VEGFC: variants seen among roughly 807,000 people sequenced by gnomAD.
The protein encoded by VEGFC is FLT4 ligand DHM.
A neutral mutation model predicts 46.1 loss-of-function variants in VEGFC; 12 were observed. The observed-to-expected ratio is 0.26, with a 90% confidence interval of 0.17 to 0.42. The LOEUF is 0.42. Ranked by LOEUF, VEGFC falls within the 10% of genes least tolerant of loss-of-function variation. The probability of loss-of-function intolerance (pLI) is 1.00; values close to 1 mark genes in which losing one functional copy is unlikely to be tolerated. For missense variants in VEGFC, 488 were observed against 529.4 expected (o/e 0.92, Z 0.77); for synonymous variants, 232 against 195.5 (o/e 1.19, Z -1.56).
intron 1 of VEGFC, among the ~76,000 whole-genome samples, chr4:176,786,424 C>G (rs182070281): frequency 2.0e-5 from 3 of 152,190 alleles, no homozygotes; most frequent in African/African-American, 7.2e-5. Flanking sequence ...ACATCCCTCT[C>G]TCCCCCATTT....
intron 3 of VEGFC, among the ~76,000 whole-genome samples, chr4:176,719,439 C>T (rs1323323314): frequency 1.3e-5 from 2 of 152,148 alleles, no homozygotes; most frequent in Non-Finnish European, 2.9e-5. Flanking sequence ...AAAGCTGCTA[C>T]TTAAGTACAC....
At chr4:176,743,151 T>C (rs1047872272) in intron 1 of VEGFC, among the ~76,000 whole-genome samples, 1 of 152,054 alleles carries the variant, frequency 6.6e-6, no homozygotes, top group Admixed American at 6.6e-5. Flanking sequence ...CAAACACCTG[T>C]ATTGAGCAGT....
intron 1 of VEGFC, among the ~76,000 whole-genome samples, chr4:176,789,229 T>C (rs894520488): frequency 2.0e-5 from 3 of 152,186 alleles, no homozygotes; most frequent in African/African-American, 4.8e-5. Context: ...AAGTCCAAAA[T>C]GAAATCTAAA....
At chr4:176,761,121 A>C (rs1205319603) in intron 1 of VEGFC, among the ~76,000 whole-genome samples, 2 of 152,220 alleles carry the variant, frequency 1.3e-5, no homozygotes, top group East Asian at 3.8e-4. Flanking sequence ...ATGATTATAG[A>C]TCCTATACAA....
chr4:176,713,589 T>C (rs1412790115), intron 3 of VEGFC, among the ~76,000 whole-genome samples: 2 of 152,196 alleles, frequency 1.3e-5, no homozygotes, highest in Admixed American at 6.5e-5. Context: ...GGCAGTCACA[T>C]ATGTGTGTCT....
chr4:176,717,833 A>C (rs112793547), intron 3 of VEGFC, among the ~76,000 whole-genome samples: 2,003 of 152,248 alleles, frequency 0.013, 24 homozygotes, highest in Middle Eastern at 0.02. Context: ...ATAATGCCCC[A>C]AAATGGGAAA....
At chr4:176,716,382 G>C (rs1734698276) in intron 3 of VEGFC, among the ~76,000 whole-genome samples, 1 of 151,788 alleles carries the variant, frequency 6.6e-6, no homozygotes, top group Non-Finnish European at 1.5e-5. Context: ...TTCAAGACCA[G>C]CCGGCCCAAC....
chr4:176,726,352 G>A (rs992819282), intron 3 of VEGFC, among the ~76,000 whole-genome samples: 1 of 152,068 alleles, frequency 6.6e-6, no homozygotes, highest in South Asian at 2.1e-4. Flanking sequence ...AATTGCATCT[G>A]GCTAAGCTTA....
intron 1 of VEGFC, among the ~76,000 whole-genome samples, chr4:176,747,808 A>G (rs1045799244): frequency 9.2e-5 from 14 of 152,008 alleles, no homozygotes; most frequent in African/African-American, 2.7e-4. Context: ...AAATGAACAA[A>G]AATCAAGTTC....
intron 3 of VEGFC, among the ~76,000 whole-genome samples, chr4:176,713,737 T>A (rs1252113895): frequency 6.6e-6 from 1 of 152,012 alleles, no homozygotes; most frequent in African/African-American, 2.4e-5. Flanking sequence ...CACAGGAACA[T>A]CTATGAGGTG....
chr4:176,742,107 T>C (rs1735185667), intron 1 of VEGFC, among the ~76,000 whole-genome samples: 1 of 151,896 alleles, frequency 6.6e-6, no homozygotes, highest in Non-Finnish European at 1.5e-5. Flanking sequence ...CATTTTGGAG[T>C]CCCCAGTGTC....
intron 4 of VEGFC, 28 bp downstream of exon 4, chr4:176,711,471 A>T (rs777120974): frequency 1.9e-6 from 3 of 1,582,812 alleles, no homozygotes; most frequent in South Asian, 2.4e-5. Flanking sequence ...TAGAGGATGC[A>T]GAAAAAATAG....
intron 1 of VEGFC, among the ~76,000 whole-genome samples, chr4:176,791,664 T>TAA (rs1736095621): frequency 6.6e-6 from 1 of 152,192 alleles, no homozygotes. Flanking sequence ...GCCTGGTTAC[T>TAA]AAAGTCCCTG....
At chr4:176,746,710 C>G (rs567984986) in intron 1 of VEGFC, among the ~76,000 whole-genome samples, 1 of 152,168 alleles carries the variant, frequency 6.6e-6, no homozygotes, top group South Asian at 2.1e-4. Context: ...GCTGTGGTTT[C>G]TAGTATGAGT....
intron 1 of VEGFC, among the ~76,000 whole-genome samples, chr4:176,740,165 ATATATATAAC>A (rs1307485245): frequency 2.4e-4 from 30 of 127,242 alleles, no homozygotes; most frequent in Non-Finnish European, 3.3e-4. Flanking sequence ...TATATATAGA[ATATATATAAC>A]TATATATAAC....
At chr4:176,758,627 T>G (rs1198914972) in intron 1 of VEGFC, among the ~76,000 whole-genome samples, 1 of 152,164 alleles carries the variant, frequency 6.6e-6, no homozygotes, top group Non-Finnish European at 1.5e-5. Flanking sequence ...ACTTGCTGCA[T>G]TTCTTGCTCT....
chr4:176,705,335 T>C (rs1477638019), intron 4 of VEGFC, among the ~76,000 whole-genome samples: 2 of 152,090 alleles, frequency 1.3e-5, no homozygotes, highest in East Asian at 3.9e-4. Context: ...GAAGAAAATA[T>C]GAGAGGAAAT....
At chr4:176,733,722 T>C (rs563550639) in intron 1 of VEGFC, among the ~76,000 whole-genome samples, 1 of 151,978 alleles carries the variant, frequency 6.6e-6, no homozygotes, top group South Asian at 2.1e-4. Context: ...CTATAAACAG[T>C]AAATTTCTCC....
In VEGFC at chr4:176,764,418, G is replaced by T. The variant is rs374033967; in HGVS notation, c.147+27747C>A. Among the ~76,000 whole-genome samples, 6 of 152,294 alleles carry T rather than the reference G, an allele frequency of 3.9e-5. No homozygotes were observed. In the East Asian group the frequency reaches 9.6e-4, roughly 24 times the overall value. The stretch of plus-strand genomic sequence containing the variant: ...CGGACAGAGGGTACACAAAACAAGA[G>T]AGAAATGAGGTTCCCTGATACTTAA... On this transcript the variant is annotated intron_variant, in intron 1 of 6. Coordinates refer to ENST00000618562, the MANE Select transcript of VEGFC (RefSeq NM_005429.5).
Sources: allele counts gnomAD v4.1 joint callset (sites outside exome capture counted in the v4.1 genomes callset), GRCh38; gene constraint gnomAD v4.1.1; transcripts MANE v1.5; gene names NCBI Gene and HGNC (gene_info 2026-07-23, HGNC 2026-07-21).